Variants in PLB1 observed in about 807,000 individuals in gnomAD.
PLB1 encodes phospholipase B1.
Under a neutral mutation model 227.4 loss-of-function variants are expected in PLB1, and 242 were observed. That is an observed-to-expected ratio of 1.06 (90% CI 0.96 to 1.18). The LOEUF is 1.18. Ranked by LOEUF, PLB1 falls within the 50% of genes most tolerant of loss-of-function variation. PLB1 has a pLI of 0.00. For synonymous variants in PLB1, 757 were observed against 682.2 expected (o/e 1.11, Z -1.71); for missense variants, 1,858 against 1,816.3 (o/e 1.02, Z -0.42).
At chr2:28,521,487 G>A (rs999754463) in intron 4 of PLB1, among the ~76,000 whole-genome samples, 3 of 152,116 alleles carry the variant, frequency 2.0e-5, no homozygotes, top group African/African-American at 4.8e-5. Flanking sequence ...TTAATAGTAG[G>A]CATCCTAATG....
chr2:28,589,512 T>C lies in PLB1; in HGVS notation c.1878T>C (p.Val626=). 1 of 1,614,202 alleles carries C rather than the reference T, an allele frequency of 6.2e-7. No homozygotes were observed. The highest frequency in any genetic ancestry group is 8.5e-7 in the Non-Finnish European group (1 of 1,180,040). ...ACACAAGGGAAGATTTTACTGTGGT[T>C]GTGCAGCCGTTCTTTGAAAACGTGG... is the stretch of plus-strand genomic sequence containing the variant. ...RYDTREDFTV[V]VQPFFENVDM... The change falls in exon 27 of 58, where the codon GTT becomes GTC. Residue 626 remains valine, a synonymous_variant. Transcript: ENST00000327757.
chr2:28,592,036 C>T (rs1434572540), intron 31 of PLB1, among the ~76,000 whole-genome samples: 1 of 152,194 alleles, frequency 6.6e-6, no homozygotes, highest in African/African-American at 2.4e-5. Flanking sequence ...TGTGAGCACA[C>T]CCTTGGTGGC....
At chr2:28,621,308 G>A (rs750051743) in intron 49 of PLB1, among the ~76,000 whole-genome samples, 6 of 152,256 alleles carry the variant, frequency 3.9e-5, no homozygotes, top group East Asian at 3.9e-4. Context: ...CCCTGGACCC[G>A]GGCGCTGTCC....
chr2:28,508,310 A>G (rs1202925126), intron 1 of PLB1, among the ~76,000 whole-genome samples: 4 of 152,174 alleles, frequency 2.6e-5, no homozygotes, highest in Admixed American at 1.3e-4. Flanking sequence ...ATTCTGAGAC[A>G]TACATTCAGA....
intron 9 of PLB1, among the ~76,000 whole-genome samples, chr2:28,534,310 A>C (rs575169962): frequency 6.6e-6 from 1 of 152,320 alleles, no homozygotes; most frequent in South Asian, 2.1e-4. Flanking sequence ...TTACTTGACT[A>C]TGTGGAAGAG....
chr2:28,631,413 TCA>T (rs1346992862), intron 54 of PLB1, among the ~76,000 whole-genome samples: 2 of 152,174 alleles, frequency 1.3e-5, no homozygotes, highest in African/African-American at 4.8e-5. Context: ...TCTCCCCATA[TCA>T]CATTCAGTCT....
At position 28,597,157 on chromosome 2, in the gene PLB1, G is replaced by A. The variant is rs777855308; in HGVS notation, c.2322-848G>A. Among the ~76,000 whole-genome samples the A allele has an allele frequency of 5.3e-5, 8 of 149,686 alleles. No homozygotes were observed. The East Asian group carries it at 9.7e-4, about 18-fold the overall frequency. On this transcript the variant is annotated intron_variant, in intron 33 of 57. Coordinates refer to ENST00000327757, the MANE Select transcript of PLB1 (RefSeq NM_153021.5). ...CGGGTACCTGTAGTCCCAGCTACTCGGGAGGCTGAGGCAGGAGAATGGCAT... is the reference window on the plus strand; with the variant it reads ...CGGGTACCTGTAGTCCCAGCTACTCAGGAGGCTGAGGCAGGAGAATGGCAT...
At chr2:28,529,804 T>C in intron 8 of PLB1, 25 bp downstream of exon 8, 1 of 1,612,286 alleles carries the variant, frequency 6.2e-7, no homozygotes, top group Non-Finnish European at 8.5e-7. Flanking sequence ...AACTCTGGCA[T>C]GGCTGGGCTG....
intron 21 of PLB1, among the ~76,000 whole-genome samples, chr2:28,577,186 T>C (rs993970950): frequency 1.3e-5 from 2 of 152,232 alleles, no homozygotes; most frequent in Non-Finnish European, 2.9e-5. Context: ...GTCTCAGAGC[T>C]GGTCATTTGT....
At chr2:28,512,765 G>A (rs944182931) in intron 1 of PLB1, among the ~76,000 whole-genome samples, 2 of 149,816 alleles carry the variant, frequency 1.3e-5, no homozygotes, top group Non-Finnish European at 3.0e-5. Context: ...TCAATGATTT[G>A]CACAGAGGTT....
rs150358767 is a variant in PLB1 at position 28,602,820 on chromosome 2, G to A, written c.2674-1G>A. Reference sequence around the variant, plus strand: ...CCTCTCATCTGCAGCTTTTCCCTTAGGTGCCCAGAGTCCTGGTCAACCTCG... The same window carrying A: ...CCTCTCATCTGCAGCTTTTCCCTTAAGTGCCCAGAGTCCTGGTCAACCTCG... On this transcript the variant is annotated splice_acceptor_variant, in intron 38 of 57. Coordinates refer to ENST00000327757, the MANE Select transcript of PLB1 (RefSeq NM_153021.5). LOFTEE classifies it high-confidence loss of function. 24 of 1,613,814 alleles carry A rather than the reference G, an allele frequency of 1.5e-5. No homozygotes were observed. Among genetic ancestry groups the A allele is most frequent in the Non-Finnish European group, 1.9e-5 (23 of 1,179,832 alleles).
chr2:28,630,424 G>A (rs1435356667), intron 53 of PLB1, among the ~76,000 whole-genome samples, 162 bp from the exon 54 acceptor site: 1 of 152,174 alleles, frequency 6.6e-6, no homozygotes, highest in African/African-American at 2.4e-5. Context: ...AGCCAAAGGT[G>A]TATTGTGGGG....
intron 25 of PLB1, among the ~76,000 whole-genome samples, chr2:28,583,793 C>G (rs1010774435): frequency 2.0e-5 from 3 of 151,748 alleles, no homozygotes; most frequent in African/African-American, 7.3e-5. Flanking sequence ...TTTGCTCATT[C>G]TCTGTGTGGT....
At chr2:28,518,975 T>C (rs985607994) in intron 3 of PLB1, among the ~76,000 whole-genome samples, 1 of 152,242 alleles carries the variant, frequency 6.6e-6, no homozygotes, top group Admixed American at 6.5e-5. Flanking sequence ...AATAGATTTA[T>C]GTTTGTACTA....
intron 43 of PLB1, among the ~76,000 whole-genome samples, chr2:28,608,521 C>T (rs754054314): frequency 1.3e-5 from 2 of 152,172 alleles, no homozygotes; most frequent in Non-Finnish European, 2.9e-5. Flanking sequence ...GTTCTGTGTG[C>T]CAGGTAGGGT....
chr2:28,569,849 C>T (rs1198945089), intron 20 of PLB1, among the ~76,000 whole-genome samples: 2 of 151,244 alleles, frequency 1.3e-5, no homozygotes, highest in East Asian at 3.9e-4. Flanking sequence ...GCCTGTAGTC[C>T]CAGCTACTTG....
intron 13 of PLB1, among the ~76,000 whole-genome samples, chr2:28,543,000 G>A (rs879344952): frequency 1.3e-5 from 2 of 152,068 alleles, no homozygotes; most frequent in South Asian, 2.1e-4. Context: ...GCTGCCTGAC[G>A]TGCCACCTGC....
At chr2:28,624,721 T>C (rs1482207584) in intron 49 of PLB1, among the ~76,000 whole-genome samples, 1 of 152,246 alleles carries the variant, frequency 6.6e-6, no homozygotes, top group East Asian at 1.9e-4. Context: ...CAAAAGGTTA[T>C]TTTTAAAACA....
At position 28,605,881 on chromosome 2, in the gene PLB1, C is replaced by T; in HGVS notation, c.2990C>T (p.Ala997Val). 4 of 1,613,828 alleles carry T rather than the reference C, an allele frequency of 2.5e-6. No homozygotes were observed. The highest frequency in any genetic ancestry group is 3.4e-6 in the Non-Finnish European group (4 of 1,179,766). The part of the protein sequence containing the change: ...ADGLPDTSFF[A>V]PDCIHPNQKF... Reference sequence around the variant, plus strand: ...GGGCTCCCAGATACGTCCTTCTTTGCCCCAGACTGCATCCACCCAAATCAG... The same window carrying T: ...GGGCTCCCAGATACGTCCTTCTTTGTCCCAGACTGCATCCACCCAAATCAG... Residue 997 changes from alanine to valine, a missense_variant, in exon 42 of 58, where the codon GCC becomes GTC. Coordinates refer to ENST00000327757, the MANE Select transcript of PLB1 (RefSeq NM_153021.5).
Sources: allele counts gnomAD v4.1 joint callset (sites outside exome capture counted in the v4.1 genomes callset), GRCh38; gene constraint gnomAD v4.1.1; transcripts MANE v1.5; gene names NCBI Gene and HGNC (gene_info 2026-07-23, HGNC 2026-07-21).